The following RAP1GDS1 variants were observed in gnomAD, a reference collection of about 807,000 sequenced individuals.
The protein encoded by RAP1GDS1 is RAP1, GTP-GDP dissociation stimulator 1.
In RAP1GDS1, 35 loss-of-function variants were observed where a neutral mutation model predicts 71.1. The ratio of observed to expected loss-of-function variants is 0.49; its 90% CI spans 0.38 to 0.65. The LOEUF (loss-of-function observed/expected upper bound fraction) is 0.65, where lower values mean the gene tolerates loss of function less well. Ranked by LOEUF, RAP1GDS1 falls within the 30% of genes least tolerant of loss-of-function variation. RAP1GDS1 has a pLI of 0.00. For synonymous variants in RAP1GDS1, 229 were observed against 243.1 expected (o/e 0.94, Z 0.54); for missense variants, 663 against 706.1 (o/e 0.94, Z 0.69).
chr4:98,308,314 T>TATATATATATAC (rs1448804194), intron 2 of RAP1GDS1, among the ~76,000 whole-genome samples: 1 of 131,554 alleles, frequency 7.6e-6, no homozygotes, highest in Non-Finnish European at 1.6e-5. Context: ...TATATATATA[T>TATATATATATAC]ATATATATAT....
intron 5 of RAP1GDS1, among the ~76,000 whole-genome samples, chr4:98,383,560 C>T (rs1424784559): frequency 1.3e-5 from 2 of 151,214 alleles, no homozygotes; most frequent in African/African-American, 4.8e-5. Flanking sequence ...ATTTATTTGT[C>T]GCATGGGCTG....
chr4:98,261,590 C>G (rs369488817), intron 1 of RAP1GDS1, 21 bp downstream of exon 1: 2 of 1,598,222 alleles, frequency 1.3e-6, no homozygotes, highest in African/African-American at 1.3e-5. Context: ...CTTCCTCCGC[C>G]GTCATCGCCT....
intron 3 of RAP1GDS1, among the ~76,000 whole-genome samples, chr4:98,347,685 C>G (rs1736502376): frequency 6.6e-6 from 1 of 152,036 alleles, no homozygotes; most frequent in Admixed American, 6.6e-5. Flanking sequence ...CAGTACTGCC[C>G]CTTTCCCCGA....
At chr4:98,314,614 G>A (rs943557784) in intron 2 of RAP1GDS1, among the ~76,000 whole-genome samples, 6 of 152,130 alleles carry the variant, frequency 3.9e-5, no homozygotes, top group African/African-American at 1.2e-4. Context: ...GTAAGAGGAG[G>A]GATGCAGTTC....
intron 12 of RAP1GDS1, 120 bp from the exon 13 acceptor site, chr4:98,433,816 A>G (rs1713631162): frequency 1.0e-5 from 9 of 874,978 alleles, no homozygotes; most frequent in Non-Finnish European, 1.5e-5. Context: ...CTATGATTAA[A>G]TCAAATGATT....
chr4:98,432,924 A>T (rs910782061), intron 12 of RAP1GDS1, among the ~76,000 whole-genome samples: 3 of 152,040 alleles, frequency 2.0e-5, no homozygotes, highest in Non-Finnish European at 2.9e-5. Flanking sequence ...CTTTTGCCAG[A>T]TGGTCTTATA....
chr4:98,386,554 G>A (rs1223333238), intron 5 of RAP1GDS1, among the ~76,000 whole-genome samples: 1 of 147,836 alleles, frequency 6.8e-6, no homozygotes, highest in African/African-American at 2.5e-5. Flanking sequence ...CTCCAATATT[G>A]TCAATATTAA....
chr4:98,429,423 A>G (rs1056326422), intron 12 of RAP1GDS1, among the ~76,000 whole-genome samples: 1 of 152,178 alleles, frequency 6.6e-6, no homozygotes, highest in Non-Finnish European at 1.5e-5. Context: ...ATATGTTCTT[A>G]CTTATAAGTA....
rs537875337 is a variant in RAP1GDS1 at position 98,375,906 on chromosome 4, C to A, written c.362-3111C>A. Among the ~76,000 whole-genome samples, 125 of 152,184 alleles carry A rather than the reference C, an allele frequency of 8.2e-4. 1 individual carries two copies. The highest frequency in any genetic ancestry group is 4.6e-3 in the South Asian group (22 of 4,820). ...GCTGTATTTTAGGTCTTTTCCTCAC[C>A]CTTAGTGTATAACTTGTACCTGATA... is the stretch of plus-strand genomic sequence containing the variant. On this transcript the variant is annotated intron_variant, in intron 4 of 14. Coordinates refer to ENST00000408927, the MANE Select transcript of RAP1GDS1 (RefSeq NM_001100427.2).
intron 7 of RAP1GDS1, among the ~76,000 whole-genome samples, chr4:98,408,732 T>A (rs1746544220): frequency 6.6e-6 from 1 of 152,158 alleles, no homozygotes; most frequent in Admixed American, 6.5e-5. Context: ...GTAACACAAT[T>A]TAATATTTGA....
intron 2 of RAP1GDS1, among the ~76,000 whole-genome samples, chr4:98,332,196 TG>T (rs1198432349): frequency 1.3e-5 from 2 of 152,142 alleles, no homozygotes; most frequent in Non-Finnish European, 2.9e-5. Flanking sequence ...AAAGGAGAAG[TG>T]TGTCTAAGGT....
chr4:98,295,439 A>C (rs1029794508), intron 2 of RAP1GDS1, among the ~76,000 whole-genome samples: 1 of 152,122 alleles, frequency 6.6e-6, no homozygotes, highest in African/African-American at 2.4e-5. Flanking sequence ...AAAGGAGTTC[A>C]TGCAGATGTT....
chr4:98,337,244 TC>T (rs1360926370), intron 2 of RAP1GDS1, among the ~76,000 whole-genome samples: 1 of 152,218 alleles, frequency 6.6e-6, no homozygotes, highest in African/African-American at 2.4e-5. Flanking sequence ...GTTGCTTTTC[TC>T]TCATTTAATC....
intron 13 of RAP1GDS1, among the ~76,000 whole-genome samples, chr4:98,434,444 TTC>T (rs1163901117): frequency 6.6e-6 from 1 of 152,072 alleles, no homozygotes; most frequent in Non-Finnish European, 1.5e-5. Context: ...TCTCTGCTGG[TTC>T]TCTCTACTAC....
At chr4:98,329,038 A>G (rs992325306) in intron 2 of RAP1GDS1, among the ~76,000 whole-genome samples, 3 of 152,222 alleles carry the variant, frequency 2.0e-5, no homozygotes, top group Non-Finnish European at 4.4e-5. Flanking sequence ...CCTTGAAACC[A>G]AGCATCGTAT....
At chr4:98,282,556 A>G (rs1725286961) in intron 1 of RAP1GDS1, among the ~76,000 whole-genome samples, 1 of 147,426 alleles carries the variant, frequency 6.8e-6, no homozygotes, top group Non-Finnish European at 1.5e-5. Flanking sequence ...TTTTCAAAAA[A>G]CCAGCTCCTG....
chr4:98,389,944 T>C (rs1190535684), intron 5 of RAP1GDS1, among the ~76,000 whole-genome samples: 1 of 152,172 alleles, frequency 6.6e-6, no homozygotes, highest in Non-Finnish European at 1.5e-5. Context: ...GTGTGATGCT[T>C]ACATATATGC....
intron 7 of RAP1GDS1, among the ~76,000 whole-genome samples, chr4:98,415,292 T>TG (rs1747778001): frequency 6.6e-6 from 1 of 152,216 alleles, no homozygotes; most frequent in African/African-American, 2.4e-5. Flanking sequence ...CAAACACCCA[T>TG]GTTTTACAAT....
chr4:98,316,684 G>A (rs1023083833), intron 2 of RAP1GDS1, among the ~76,000 whole-genome samples: 21 of 152,158 alleles, frequency 1.4e-4, no homozygotes, highest in Non-Finnish European at 2.9e-4. Context: ...AAGACAAAAT[G>A]TCTCAGATAT....
Sources: gnomAD v4.1 joint callset for allele counts (sites outside exome capture counted in the v4.1 genomes callset) on GRCh38, gnomAD v4.1.1 for gene constraint, MANE v1.5 for transcripts, NCBI Gene and HGNC (gene_info 2026-07-23, HGNC 2026-07-21) for gene names.